Variants in VPS9D1 observed in about 807,000 individuals in gnomAD.
The protein encoded by VPS9D1 is VPS9 domain containing 1.
A neutral mutation model predicts 75.8 loss-of-function variants in VPS9D1; 78 were observed. The ratio of observed to expected loss-of-function variants is 1.03; its 90% CI spans 0.86 to 1.24. The LOEUF (loss-of-function observed/expected upper bound fraction) is 1.24, where lower values mean the gene tolerates loss of function less well. Ranked by LOEUF, VPS9D1 falls within the 50% of genes most tolerant of loss-of-function variation. VPS9D1 has a pLI of 0.00. For missense variants in VPS9D1, 1,057 were observed against 847.7 expected (o/e 1.25, Z -3.07); for synonymous variants, 481 against 385.6 (o/e 1.25, Z -2.90).
chr16:89,714,594 G>A (rs915532387), intron 4 of VPS9D1, among the ~76,000 whole-genome samples: 3 of 152,226 alleles, frequency 2.0e-5, no homozygotes, highest in African/African-American at 7.2e-5. Context: ...GGCCCCGCCA[G>A]AGCAGGGGCA....
chr16:89,712,558 C>G (rs879328885), intron 5 of VPS9D1, 36 bp from the exon 6 acceptor site: 2 of 1,609,890 alleles, frequency 1.2e-6, no homozygotes, highest in Non-Finnish European at 1.7e-6. Context: ...CGACTCCCCT[C>G]TGCCCCGCGC....
At position 89,712,064 on chromosome 16, in the gene VPS9D1, G is replaced by A. The variant is rs1477046994; in HGVS notation, c.642C>T (p.Leu214=). 1.8e-5 allele frequency: 28 copies of A among 1,548,558 alleles called. No homozygotes were observed. Among genetic ancestry groups the A allele is most frequent in the Non-Finnish European group, 2.4e-5 (28 of 1,146,806 alleles). ...QRKMEERRLR[L]QEAANRRFCS... is the part of the protein sequence containing the mutation. ...AGTCCCACCTGTTGGCGGCCTCCTG[G>A]AGCCGCAGCCGGCGCTCCTCCATCT... The change falls in exon 7 of 15, where the codon CTC becomes CTT. Residue 214 remains leucine, a synonymous_variant. Coordinates refer to ENST00000389386, the MANE Select transcript of VPS9D1 (RefSeq NM_004913.3).
Position 89,710,901 on chromosome 16 carries a change from G to T in VPS9D1, c.943C>A (p.Pro315Thr). 6.7e-7 allele frequency: 1 copy of T among 1,496,338 alleles called. No individual in the cohort carries two copies. The highest frequency in any genetic ancestry group is 8.9e-7 in the Non-Finnish European group (1 of 1,127,382). 92.7% of individuals were successfully genotyped at this position (1,496,338 alleles called of 1,614,324 possible). ...CGGCTTCCGGGGTTGGGGGTCGGGG[G>T]GCAGCAGCCTGGGGCTGGCGCGGCT... ...RAAAPAPGCCPPTPNPGSRRL... is the reference protein window; with the variant it reads ...RAAAPAPGCCTPTPNPGSRRL... The change falls in exon 10 of 15, where the codon CCC becomes ACC. Residue 315 changes from proline (P) to threonine (T), a missense_variant. Transcript: ENST00000389386.
At chr16:89,709,062 G>A (rs1017887601) in intron 12 of VPS9D1, 106 bp from the exon 13 acceptor site, 34 of 1,329,220 alleles carry the variant, frequency 2.6e-5, no homozygotes, top group Non-Finnish European at 3.0e-5. Flanking sequence ...CGGCTGGGAA[G>A]AGCCACGGTG....
rs528153468 is a variant in VPS9D1, at chr16:89,718,013, C to T, written c.175+1014G>A. On this transcript the variant is annotated intron_variant, in intron 2 of 14. Coordinates refer to ENST00000389386, the MANE Select transcript of VPS9D1 (RefSeq NM_004913.3). Reference sequence around the variant, plus strand: ...GGCTCCCCCGACCTCTGTGCTCCCACGTCCAGTGGGTCCCCCTGACCTCTG... The same window carrying T: ...GGCTCCCCCGACCTCTGTGCTCCCATGTCCAGTGGGTCCCCCTGACCTCTG... 1.9e-4 allele frequency: 87 copies of T among 454,224 alleles called. 1 individual carries two copies. The highest frequency in any genetic ancestry group is 1.2e-3 in the African/African-American group (61 of 49,538). The allele number at this position is 454,224 out of a possible 1,614,324, so 28.1% of individuals were successfully genotyped here.
intron 8 of VPS9D1, 73 bp downstream of exon 8, chr16:89,711,809 C>A: frequency 1.3e-6 from 2 of 1,495,362 alleles, no homozygotes; most frequent in South Asian, 1.2e-5. Flanking sequence ...CCACGGGGGC[C>A]CACCCAGGCG....
chr16:89,720,430 C>G (rs746981583), intron 1 of VPS9D1: 90 of 1,037,330 alleles, frequency 8.7e-5, no homozygotes, highest in Non-Finnish European at 1.0e-4. Flanking sequence ...GAAAAATGCA[C>G]GAACGCACGG....
chr16:89,710,184 G>A (rs967540583), intron 10 of VPS9D1, among the ~76,000 whole-genome samples: 1 of 152,200 alleles, frequency 6.6e-6, no homozygotes, highest in East Asian at 1.9e-4. Flanking sequence ...AACCAGGGAA[G>A]ACTTTAGATC....
chr16:89,719,700 A>C (rs934598291), intron 1 of VPS9D1, among the ~76,000 whole-genome samples: 2 of 152,148 alleles, frequency 1.3e-5, no homozygotes, highest in African/African-American at 2.4e-5. Context: ...GGCACAGGTC[A>C]TTGGAACCAC....
At chr16:89,720,485 C>T (rs973015357) in intron 1 of VPS9D1, 2 of 1,114,866 alleles carry the variant, frequency 1.8e-6, no homozygotes, top group South Asian at 4.4e-5. Flanking sequence ...GGCGGACCCT[C>T]CTGCTACATC....
Position 89,720,816 on chromosome 16 carries a change from C to T in VPS9D1, c.46G>A (p.Ala16Thr), listed in dbSNP as rs868830569. 1 of 1,455,558 alleles carries T rather than the reference C, an allele frequency of 6.9e-7. No homozygotes were observed. The highest frequency in any genetic ancestry group is 1.3e-5 in the South Asian group (1 of 74,710). The allele number at this position is 1,455,558 out of a possible 1,614,324, so 90.2% of individuals were successfully genotyped here. ...GDGTVKPLQSAMKLANGAIEL... is the reference protein window; with the variant it reads ...GDGTVKPLQSTMKLANGAIEL... Reference sequence around the variant, plus strand: ...ATGGCCCCGTTGGCAAGCTTCATGGCGCTCTGCAGCGGCTTCACCGTGCCG... The same window carrying T: ...ATGGCCCCGTTGGCAAGCTTCATGGTGCTCTGCAGCGGCTTCACCGTGCCG... Residue 16 changes from alanine (A) to threonine (T), a missense_variant, in exon 1 of 15, where the codon GCC becomes ACC. Physicochemically the swap from Ala to Thr is moderately conservative, Grantham distance 58 (BLOSUM62 0). Transcript: ENST00000389386.
In VPS9D1 at chr16:89,716,628, C is replaced by T. The variant is rs775859291; in HGVS notation, c.269-4G>A. ...GTTGGCTTCAGGCGTGTTTTCCCTG[C>T]AAGCCATGGGTAACCAGGGGTCAAG... is the stretch of plus-strand genomic sequence containing the variant. On this transcript the variant is annotated splice_polypyrimidine_tract_variant and splice_region_variant and intron_variant, in intron 3 of 14. Transcript: ENST00000389386. The T allele has an allele frequency of 7.4e-6, 12 of 1,612,378 alleles. No homozygotes were observed. Among genetic ancestry groups the T allele is most frequent in the Non-Finnish European group, 9.3e-6 (11 of 1,178,972 alleles).
At chr16:89,711,195 G>C in intron 9 of VPS9D1, 132 bp downstream of exon 9, 2 of 1,177,008 alleles carry the variant, frequency 1.7e-6, no homozygotes, top group South Asian at 1.5e-5. Flanking sequence ...TCAGCGCAAA[G>C]GGAGCTGCAG....
rs749252097 is a variant in VPS9D1 at position 89,707,237 on chromosome 16, C to T, written c.*624G>A. On this transcript the variant is annotated 3_prime_UTR_variant, in exon 15 of 15. Coordinates refer to ENST00000389386, the MANE Select transcript of VPS9D1 (RefSeq NM_004913.3). ...GACCTAGATAAGATGCCCAGGGTCC[C>T]GGAATGTTCACAGCCCACAGCCAAG... is the stretch of plus-strand genomic sequence containing the variant. The T allele has an allele frequency of 2.6e-5, 4 of 152,518 alleles. No individual in the cohort carries two copies. The highest frequency in any genetic ancestry group is 1.3e-4 in the Admixed American group (2 of 15,292). The allele number at this position is 152,518 out of a possible 1,614,324, so 9.4% of individuals were successfully genotyped here. A position where few individuals can be genotyped will look rare whatever the true frequency, so the allele number is the denominator to read the frequency against.
intron 6 of VPS9D1, 161 bp downstream of exon 6, chr16:89,712,299 G>A (rs1051003829): frequency 1.4e-5 from 18 of 1,330,608 alleles, no homozygotes; most frequent in Non-Finnish European, 1.8e-5. Context: ...GACGGCGGCC[G>A]GGCCTTCCCC....
At position 89,711,412 on chromosome 16, in the gene VPS9D1, C is replaced by T. The variant is rs1181482170; in HGVS notation, c.748G>A (p.Asp250Asn). The stretch of plus-strand genomic sequence containing the variant: ...TTGGCCTTCCAGTGCTTCGGCCAGT[C>T]CTACGGGACAGGGGGCCTTGAAGGA... ...AAILEYEQDH[D>N]WPKHWKAKLK... The change falls in exon 9 of 15, where the codon GAC becomes AAC. Residue 250 changes from aspartate to asparagine, a missense_variant and splice_region_variant. Transcript: ENST00000389386. The T allele has an allele frequency of 3.1e-6, 5 of 1,605,120 alleles. No homozygotes were observed. In the East Asian group the frequency reaches 6.7e-5, roughly 22 times the overall value.
At chr16:89,710,487 C>G in intron 10 of VPS9D1, 99 bp downstream of exon 10, 5 of 1,329,908 alleles carry the variant, frequency 3.8e-6, no homozygotes, top group Non-Finnish European at 5.1e-6. Flanking sequence ...TGATCAGAGT[C>G]TCTGATCAAC....
chr16:89,709,193 C>G, intron 12 of VPS9D1, 34 bp downstream of exon 12: 1 of 1,607,346 alleles, frequency 6.2e-7, no homozygotes, highest in Non-Finnish European at 8.5e-7. Context: ...GGGATGGGAG[C>G]CTGTCCCTCC....
In VPS9D1 at chr16:89,709,910, C is replaced by G; in HGVS notation, c.1259-4G>C. The G allele has an allele frequency of 6.2e-7, 1 of 1,604,850 alleles. No individual in the cohort carries two copies. The highest frequency in any genetic ancestry group is 8.5e-7 in the Non-Finnish European group (1 of 1,175,212). On this transcript the variant is annotated splice_region_variant and splice_polypyrimidine_tract_variant and intron_variant, in intron 10 of 14. Transcript: ENST00000389386. ...AGGGTCAGCGAGAGCAGCCTGTCTG[C>G]TAGGAACAGAGCCGGGGACGTCCAC...
Sources: allele counts gnomAD v4.1 joint callset (sites outside exome capture counted in the v4.1 genomes callset), GRCh38; gene constraint gnomAD v4.1.1; transcripts MANE v1.5; gene names NCBI Gene and HGNC (gene_info 2026-07-23, HGNC 2026-07-21).